GALNT13: variants seen among roughly 807,000 people sequenced by gnomAD.
GALNT13 encodes the protein polypeptide N-acetylgalactosaminyltransferase 13, also known as UDP-GalNAc:polypeptide N-acetylgalactosaminyltransferase 13.
GALNT13 carries 28 observed loss-of-function variants against 64.2 expected under a neutral mutation model. The ratio of observed to expected loss-of-function variants is 0.44; its 90% CI spans 0.32 to 0.60. GALNT13 has a LOEUF of 0.60. GALNT13 is among the 20% of genes least tolerant of loss of function. The pLI is 0.05. For missense variants in GALNT13, 577 were observed against 669.8 expected, an observed-to-expected ratio of 0.86 and a Z score of 1.53; for synonymous variants, 214 against 224.6, an observed-to-expected ratio of 0.95 and a Z score of 0.42.
the GALNT13 span, among the ~76,000 whole-genome samples, chr2:153,322,812 T>C: frequency 6.6e-6 from 1 of 152,170 alleles, no homozygotes; most frequent in Non-Finnish European, 1.5e-5. Context: ...TCTATGTTTC[T>C]GCAAAGGACA....
At chr2:153,632,839 A>G in the GALNT13 span, among the ~76,000 whole-genome samples, 2 of 151,646 alleles carry the variant, frequency 1.3e-5, no homozygotes, top group Non-Finnish European at 2.9e-5. Context: ...TGCAACCTTC[A>G]CCTCCTGGGT....
chr2:153,282,149 T>A, the GALNT13 span, among the ~76,000 whole-genome samples: 15 of 152,154 alleles, frequency 9.9e-5, no homozygotes, highest in African/African-American at 3.6e-4. Flanking sequence ...TTTAAAATTC[T>A]TTCTTCTGCA....
intron 1 of GALNT13, among the ~76,000 whole-genome samples, chr2:153,882,184 G>T (rs573109282): frequency 2.0e-5 from 3 of 149,168 alleles, no homozygotes; most frequent in South Asian, 2.2e-4. Context: ...TGTAGGGGGG[G>T]GTCGAGGCAG....
the GALNT13 span, among the ~76,000 whole-genome samples, chr2:153,108,306 A>G: frequency 6.6e-6 from 1 of 152,200 alleles, no homozygotes; most frequent in Admixed American, 6.6e-5. Flanking sequence ...TCACTTTGCA[A>G]CAATAAATGC....
chr2:154,139,694 G>A (rs1231405709), intron 3 of GALNT13, among the ~76,000 whole-genome samples: 1 of 151,632 alleles, frequency 6.6e-6, no homozygotes, highest in Non-Finnish European at 1.5e-5. Context: ...GGACTTTAGT[G>A]TAGTGATAAC....
chr2:154,217,389 T>C (rs939063027), intron 4 of GALNT13, among the ~76,000 whole-genome samples: 25 of 152,252 alleles, frequency 1.6e-4, no homozygotes, highest in African/African-American at 6.0e-4. Context: ...CCTAATGTGT[T>C]TGAAGGGAAA....
At chr2:153,511,050 C>A in the GALNT13 span, among the ~76,000 whole-genome samples, 7 of 151,912 alleles carry the variant, frequency 4.6e-5, no homozygotes, top group Non-Finnish European at 8.8e-5. Context: ...ATAACTCTGT[C>A]CAGACGATTT....
At chr2:154,009,909 T>G (rs1285159669) in intron 3 of GALNT13, among the ~76,000 whole-genome samples, 2 of 148,892 alleles carry the variant, frequency 1.3e-5, no homozygotes, top group East Asian at 4.5e-4. Flanking sequence ...TTTTTGTGGT[T>G]GTTTTGTGGT....
intron 3 of GALNT13, among the ~76,000 whole-genome samples, chr2:154,062,653 A>T (rs1700248354): frequency 6.6e-6 from 1 of 152,212 alleles, no homozygotes; most frequent in South Asian, 2.1e-4. Flanking sequence ...TCATGAGAAC[A>T]GCAAGGGGAA....
At chr2:153,355,418 A>G in the GALNT13 span, among the ~76,000 whole-genome samples, 266 of 152,330 alleles carry the variant, frequency 1.7e-3, 7 homozygotes, top group South Asian at 0.053. Flanking sequence ...CTGTCAAAGA[A>G]CATTGTAATC....
At chr2:154,234,683 A>G (rs1327346202) in intron 4 of GALNT13, among the ~76,000 whole-genome samples, 2 of 152,136 alleles carry the variant, frequency 1.3e-5, no homozygotes, top group East Asian at 3.9e-4. Flanking sequence ...CTACACTTCT[A>G]TTTCATCTTG....
chr2:153,376,478 C>G, the GALNT13 span, among the ~76,000 whole-genome samples: 1 of 152,078 alleles, frequency 6.6e-6, no homozygotes, highest in African/African-American at 2.4e-5. Context: ...AGAATGTATC[C>G]TTGTGGTTAA....
At chr2:153,386,144 A>G in the GALNT13 span, among the ~76,000 whole-genome samples, 1 of 152,196 alleles carries the variant, frequency 6.6e-6, no homozygotes, top group East Asian at 1.9e-4. Context: ...AGGAGATTTG[A>G]ATAACTACTG....
intron 4 of GALNT13, among the ~76,000 whole-genome samples, chr2:154,154,284 G>A (rs1684267326): frequency 6.6e-6 from 1 of 152,100 alleles, no homozygotes; most frequent in African/African-American, 2.4e-5. Context: ...GATAACCAAG[G>A]AATGGAAAAT....
At chr2:153,614,006 TATAATA>T in the GALNT13 span, among the ~76,000 whole-genome samples, 1 of 151,086 alleles carries the variant, frequency 6.6e-6, no homozygotes, top group Non-Finnish European at 1.5e-5. Flanking sequence ...AAACTTAAAG[TATAATA>T]ATAATAAAAA....
At chr2:153,208,666 TA>T in the GALNT13 span, among the ~76,000 whole-genome samples, 1 of 152,142 alleles carries the variant, frequency 6.6e-6, no homozygotes, top group Non-Finnish European at 1.5e-5. Context: ...AGTATATACC[TA>T]AGAGGAAAAT....
intron 4 of GALNT13, among the ~76,000 whole-genome samples, chr2:154,147,438 A>C (rs1025986545): frequency 6.6e-6 from 1 of 150,700 alleles, no homozygotes; most frequent in African/African-American, 2.4e-5. Context: ...TAGAAGTGCC[A>C]TTGTATCAAG....
intron 4 of GALNT13, among the ~76,000 whole-genome samples, chr2:154,206,285 G>A (rs2105789489): frequency 6.6e-6 from 1 of 152,022 alleles, no homozygotes; most frequent in South Asian, 2.1e-4. Flanking sequence ...ACAGGCATGA[G>A]CAACTGAGCC....
At chr2:154,155,322 G>A (rs532837214) in intron 4 of GALNT13, among the ~76,000 whole-genome samples, 8 of 151,852 alleles carry the variant, frequency 5.3e-5, no homozygotes, top group South Asian at 2.1e-4. Flanking sequence ...TTTTTTATTC[G>A]TCTCATGGAA....
Sources: gnomAD v4.1 joint callset for allele counts (sites outside exome capture counted in the v4.1 genomes callset) on GRCh38, gnomAD v4.1.1 for gene constraint, MANE v1.5 for transcripts, NCBI Gene and HGNC (gene_info 2026-07-23, HGNC 2026-07-21) for gene names.